The following ERBB4 variants were observed in gnomAD, a reference collection of about 807,000 sequenced individuals.
ERBB4 encodes receptor tyrosine-protein kinase erbB-4.
In ERBB4, 42 loss-of-function variants were observed where a neutral mutation model predicts 158.0. The ratio of observed to expected loss-of-function variants is 0.27; its 90% CI spans 0.21 to 0.34. The LOEUF (loss-of-function observed/expected upper bound fraction) is 0.34. ERBB4 is among the 10% of genes least tolerant of loss of function. The probability of loss-of-function intolerance (pLI) is 1.00; values close to 1 mark genes in which losing one functional copy is unlikely to be tolerated. For missense variants in ERBB4, 1,333 were observed against 1,624.1 expected, an observed-to-expected ratio of 0.82 and a Z score of 3.08; for synonymous variants, 583 against 558.7, an observed-to-expected ratio of 1.04 and a Z score of -0.61.
intron 2 of ERBB4, among the ~76,000 whole-genome samples, chr2:211,976,966 T>C (rs1356363079): frequency 1.3e-5 from 2 of 152,196 alleles, no homozygotes; most frequent in Non-Finnish European, 2.9e-5. Flanking sequence ...AGATGTTAAA[T>C]AGTGCCTATA....
At chr2:211,765,746 T>C (rs2075536992) in intron 4 of ERBB4, among the ~76,000 whole-genome samples, 1 of 152,244 alleles carries the variant, frequency 6.6e-6, no homozygotes, top group Admixed American at 6.5e-5. Context: ...AATGTAGAAG[T>C]GATGGTTGTC....
At chr2:212,427,819 T>C (rs1335558287) in intron 1 of ERBB4, among the ~76,000 whole-genome samples, 1 of 152,072 alleles carries the variant, frequency 6.6e-6, no homozygotes, top group Non-Finnish European at 1.5e-5. Context: ...TGGGGAAACG[T>C]GAGTGCATTA....
intron 1 of ERBB4, among the ~76,000 whole-genome samples, chr2:212,151,557 A>G (rs1028855619): frequency 6.6e-6 from 1 of 151,814 alleles, no homozygotes; most frequent in Non-Finnish European, 1.5e-5. Flanking sequence ...ATAAATATAC[A>G]TTTCAGAAAA....
intron 1 of ERBB4, among the ~76,000 whole-genome samples, chr2:212,390,210 G>T (rs1476636842): frequency 2.0e-5 from 3 of 151,628 alleles, no homozygotes; most frequent in Non-Finnish European, 4.4e-5. Context: ...TACCACAAAA[G>T]AAATTTTCAC....
chr2:211,542,902 C>T (rs879918747), intron 20 of ERBB4, among the ~76,000 whole-genome samples: 3 of 151,870 alleles, frequency 2.0e-5, no homozygotes, highest in African/African-American at 7.3e-5. Context: ...TTTTTAGATT[C>T]GTTCAATCCC....
intron 1 of ERBB4, among the ~76,000 whole-genome samples, chr2:212,376,137 A>G (rs2090312625): frequency 6.6e-6 from 1 of 152,106 alleles, no homozygotes; most frequent in Admixed American, 6.6e-5. Flanking sequence ...ATTAAAGTGG[A>G]GCAACTTTCC....
At chr2:212,137,893 C>T (rs1225817514) in intron 1 of ERBB4, among the ~76,000 whole-genome samples, 1 of 152,138 alleles carries the variant, frequency 6.6e-6, no homozygotes, top group African/African-American at 2.4e-5. Context: ...GATAAGGAGA[C>T]AGCCACCACT....
chr2:211,694,353 G>A (rs1040718487), intron 12 of ERBB4, among the ~76,000 whole-genome samples: 6 of 152,144 alleles, frequency 3.9e-5, no homozygotes, highest in African/African-American at 1.4e-4. Flanking sequence ...AAAAACTGGA[G>A]CCTGCAGTAA....
At chr2:212,178,789 G>A (rs2081760678) in intron 1 of ERBB4, among the ~76,000 whole-genome samples, 1 of 151,292 alleles carries the variant, frequency 6.6e-6, no homozygotes, top group South Asian at 2.1e-4. Context: ...CTTTATGATG[G>A]AAGACTCTCC....
rs140314510 is a variant in ERBB4 at position 211,920,486 on chromosome 2, T to C, written c.421+26944A>G. 8.4e-4 allele frequency among the ~76,000 whole-genome samples: 127 copies of C among 152,068 alleles called. 1 individual carries two copies. The East Asian group carries it at 0.022, about 26-fold the overall frequency. ...TCTGAGCTGTTTATTACTCCCAACA[T>C]ACAGCCAATTATTTTTGTAATCAAA... On this transcript the variant is annotated intron_variant, in intron 3 of 27. Transcript: ENST00000342788.
intron 1 of ERBB4, among the ~76,000 whole-genome samples, chr2:212,170,926 CA>C (rs1393498648): frequency 6.6e-6 from 1 of 152,098 alleles, no homozygotes; most frequent in African/African-American, 2.4e-5. Context: ...ACAGATTCCC[CA>C]CCAGGGCACT....
chr2:211,921,936 G>A (rs2079867941), intron 3 of ERBB4, among the ~76,000 whole-genome samples: 1 of 152,026 alleles, frequency 6.6e-6, no homozygotes. Context: ...TGATTTTGTA[G>A]TAACTCTCAG....
chr2:212,040,544 C>CT (rs202011959), intron 2 of ERBB4, among the ~76,000 whole-genome samples: 1,981 of 152,160 alleles, frequency 0.013, 21 homozygotes, highest in Middle Eastern at 0.027. Context: ...AAATCTAGCC[C>CT]TTTTTTGTTA....
intron 15 of ERBB4, among the ~76,000 whole-genome samples, chr2:211,660,960 T>G (rs2071402064): frequency 6.6e-6 from 1 of 152,164 alleles, no homozygotes; most frequent in Non-Finnish European, 1.5e-5. Context: ...CTTAAGATAA[T>G]TTTACTTGTC....
chr2:211,396,715 GCAAA>G (rs773957929), intron 25 of ERBB4, among the ~76,000 whole-genome samples: 2 of 152,176 alleles, frequency 1.3e-5, no homozygotes, highest in Non-Finnish European at 2.9e-5. Flanking sequence ...TTGGCAACAA[GCAAA>G]CAATTTAACG....
At chr2:211,771,453 CAG>C (rs1476661338) in intron 4 of ERBB4, among the ~76,000 whole-genome samples, 1 of 152,178 alleles carries the variant, frequency 6.6e-6, no homozygotes, top group Non-Finnish European at 1.5e-5. Flanking sequence ...ATCTTTGAGA[CAG>C]AAACTCTTGT....
chr2:212,061,039 G>C (rs2077748025), intron 2 of ERBB4, among the ~76,000 whole-genome samples: 1 of 151,654 alleles, frequency 6.6e-6, no homozygotes, highest in South Asian at 2.1e-4. Flanking sequence ...ACTCTTAATT[G>C]AGGTCACTTA....
chr2:212,265,518 T>G (rs1280200722), intron 1 of ERBB4, among the ~76,000 whole-genome samples: 1 of 152,108 alleles, frequency 6.6e-6, no homozygotes, highest in Non-Finnish European at 1.5e-5. Context: ...GGAGTCTATC[T>G]CATTGGCTTT....
At chr2:212,108,633 G>A (rs1239977613) in intron 2 of ERBB4, among the ~76,000 whole-genome samples, 1 of 149,810 alleles carries the variant, frequency 6.7e-6, no homozygotes, top group Non-Finnish European at 1.5e-5. Context: ...GTAAAGCAGT[G>A]ATTCCAGGAG....
Sources: gnomAD v4.1 joint callset for allele counts (sites outside exome capture counted in the v4.1 genomes callset) on GRCh38, gnomAD v4.1.1 for gene constraint, MANE v1.5 for transcripts, NCBI Gene and HGNC (gene_info 2026-07-23, HGNC 2026-07-21) for gene names.